The following AGBL1 variants were observed in gnomAD, a reference collection of about 807,000 sequenced individuals.
AGBL1 encodes the protein AGBL carboxypeptidase 1.
Under a neutral mutation model 118.9 loss-of-function variants are expected in AGBL1, and 130 were observed. The ratio of observed to expected loss-of-function variants is 1.09; its 90% confidence interval spans 0.95 to 1.26. The LOEUF is 1.26. AGBL1 is among the 50% of genes most tolerant of loss of function. The probability of loss-of-function intolerance (pLI) is 0.00; values close to 1 mark genes in which losing one functional copy is unlikely to be tolerated. For synonymous variants in AGBL1, 555 were observed against 478.9 expected (o/e 1.16, Z -2.08); for missense variants, 1,584 against 1,298.1 (o/e 1.22, Z -3.38).
At chr15:86,430,843 A>C (rs1367652046) in intron 18 of AGBL1, among the ~76,000 whole-genome samples, 1 of 152,224 alleles carries the variant, frequency 6.6e-6, no homozygotes, top group African/African-American at 2.4e-5. Context: ...ATACATTTTT[A>C]AAATGAATTA....
chr15:86,429,690 T>C (rs1222193762), intron 18 of AGBL1, among the ~76,000 whole-genome samples: 1 of 152,240 alleles, frequency 6.6e-6, no homozygotes, highest in African/African-American at 2.4e-5. Flanking sequence ...CCTTGAACCA[T>C]GTCTACATTT....
chr15:86,635,325 C>CCTCTTA (rs2085064264), intron 21 of AGBL1, among the ~76,000 whole-genome samples: 1 of 102,772 alleles, frequency 9.7e-6, no homozygotes, highest in African/African-American at 4.3e-5. Context: ...TCCTCCTCCT[C>CCTCTTA]CTCCTCCTCC....
intron 18 of AGBL1, among the ~76,000 whole-genome samples, chr15:86,448,193 A>G (rs2082149326): frequency 6.6e-6 from 1 of 152,300 alleles, no homozygotes; most frequent in African/African-American, 2.4e-5. Context: ...CAATCAATAA[A>G]TGAAAGGAAG....
chr15:86,681,333 C>T (rs1443944434), intron 22 of AGBL1, among the ~76,000 whole-genome samples: 1 of 152,156 alleles, frequency 6.6e-6, no homozygotes, highest in Non-Finnish European at 1.5e-5. Context: ...TCATGAGTTT[C>T]CTTTTATTCA....
intron 12 of AGBL1, among the ~76,000 whole-genome samples, chr15:86,266,737 C>G (rs912219027): frequency 1.3e-5 from 2 of 152,234 alleles, no homozygotes; most frequent in Admixed American, 6.5e-5. Flanking sequence ...TCTGTCTCTA[C>G]TAAAAATACA....
chr15:86,667,024 C>T (rs926957520), intron 21 of AGBL1, among the ~76,000 whole-genome samples: 3 of 152,110 alleles, frequency 2.0e-5, no homozygotes, highest in Admixed American at 6.6e-5. Flanking sequence ...CTAGAAGTTC[C>T]TGATATTTTC....
chr15:86,399,896 G>A (rs1012646157), intron 18 of AGBL1, among the ~76,000 whole-genome samples: 10 of 152,210 alleles, frequency 6.6e-5, no homozygotes, highest in Non-Finnish European at 8.8e-5. Flanking sequence ...TCATCATGGA[G>A]CTCAAGGCAC....
chr15:86,519,608 C>T lies in AGBL1; in HGVS notation c.2556-3202C>T, dbSNP rs545998593. On this transcript the variant is annotated intron_variant, in intron 18 of 22. Transcript: ENST00000614907. ...TAGGTGTTGTACATATTATAATAAC[C>T]TGCATTTGCATAGATACAGGGACTG... Among the ~76,000 whole-genome samples, 4 of 152,250 alleles carry T rather than the reference C, an allele frequency of 2.6e-5. No individual in the cohort carries two copies. In the South Asian group the frequency reaches 8.3e-4, roughly 32 times the overall value.
At position 86,654,731 on chromosome 15, in the gene AGBL1, T is replaced by C. The variant is rs535091779; in HGVS notation, c.2995-19542T>C. The stretch of plus-strand genomic sequence containing the variant: ...CTCTCCTTGGGGAGGACTGTGGTCA[T>C]TGACCTCCCAGTCCCCTTCATGGTA... On this transcript the variant is annotated intron_variant, in intron 21 of 22. Coordinates refer to ENST00000614907, the MANE Select transcript of AGBL1 (RefSeq NM_001386094.1). Among the ~76,000 whole-genome samples, 9 of 152,268 alleles carry C rather than the reference T, an allele frequency of 5.9e-5. No individual in the cohort carries two copies. In the South Asian group the frequency reaches 1.9e-3, roughly 32 times the overall value.
intron 22 of AGBL1, among the ~76,000 whole-genome samples, chr15:86,884,720 G>A (rs2079945401): frequency 6.6e-6 from 1 of 152,182 alleles, no homozygotes; most frequent in African/African-American, 2.4e-5. Flanking sequence ...GCTGACGTGG[G>A]AGAACCGCTT....
chr15:86,680,968 A>C (rs8043203), intron 22 of AGBL1, among the ~76,000 whole-genome samples: 79,301 of 151,544 alleles, frequency 0.52, 21,752 homozygotes, highest in Non-Finnish European at 0.62. Context: ...TTCTTTCCTC[A>C]CTTCTTTCTT....
intron 22 of AGBL1, among the ~76,000 whole-genome samples, chr15:86,689,477 T>G (rs141046353): frequency 3.9e-5 from 6 of 152,250 alleles, no homozygotes; most frequent in African/African-American, 9.6e-5. Context: ...AATCAATAAA[T>G]ATAATAAATG....
intron 16 of AGBL1, among the ~76,000 whole-genome samples, chr15:86,287,575 CCAA>C: frequency 6.6e-6 from 1 of 152,150 alleles, no homozygotes; most frequent in Non-Finnish European, 1.5e-5. Context: ...TTCAGTTTTC[CCAA>C]CACCATTTAT....
chr15:86,528,339 G>A (rs2083296815), intron 19 of AGBL1, among the ~76,000 whole-genome samples: 1 of 152,210 alleles, frequency 6.6e-6, no homozygotes, highest in African/African-American at 2.4e-5. Context: ...GTCAAAGAAA[G>A]GGGTGACGGA....
At chr15:86,737,248 C>T (rs771508396) in intron 22 of AGBL1, among the ~76,000 whole-genome samples, 2 of 152,028 alleles carry the variant, frequency 1.3e-5, no homozygotes, top group Non-Finnish European at 2.9e-5. Flanking sequence ...GAAAATTTCA[C>T]GGAGGAGGTG....
At chr15:86,574,765 A>G (rs2084061045) in intron 21 of AGBL1, among the ~76,000 whole-genome samples, 1 of 151,090 alleles carries the variant, frequency 6.6e-6, no homozygotes, top group Non-Finnish European at 1.5e-5. Flanking sequence ...TTTAGTAGAG[A>G]CGGGGTTTCA....
intron 18 of AGBL1, among the ~76,000 whole-genome samples, chr15:86,473,063 T>G (rs948162905): frequency 6.6e-6 from 1 of 152,224 alleles, no homozygotes; most frequent in African/African-American, 2.4e-5. Context: ...AACATTAGAT[T>G]AAATGAAATG....
chr15:86,109,291 T>C, intron 1 of AGBL1, among the ~76,000 whole-genome samples: 1 of 152,158 alleles, frequency 6.6e-6, no homozygotes, highest in East Asian at 1.9e-4. Flanking sequence ...AATACAAAAT[T>C]AAGTATGAAT....
At chr15:86,758,308 A>T (rs184434224) in intron 22 of AGBL1, among the ~76,000 whole-genome samples, 46 of 152,094 alleles carry the variant, frequency 3.0e-4, no homozygotes, top group Middle Eastern at 3.4e-3. Flanking sequence ...ACTTCTTAAC[A>T]GCTTTCTGGT....
Sources: gnomAD v4.1 joint callset for allele counts (sites outside exome capture counted in the v4.1 genomes callset) on GRCh38, gnomAD v4.1.1 for gene constraint, MANE v1.5 for transcripts, NCBI Gene and HGNC (gene_info 2026-07-23, HGNC 2026-07-21) for gene names.